COMMD10: variants seen among roughly 807,000 people sequenced by gnomAD.
COMMD10 encodes the protein COMM domain containing 10.
In COMMD10, 33 loss-of-function variants were observed where a neutral mutation model predicts 28.9. The ratio of observed to expected loss-of-function variants is 1.14; its 90% CI spans 0.87 to 1.53. COMMD10 has a LOEUF of 1.53. COMMD10 is among the 40% of genes most tolerant of loss of function. The pLI is 0.00. For synonymous variants in COMMD10, 110 were observed against 81.7 expected (o/e 1.35, Z -1.87); for missense variants, 310 against 233.4 (o/e 1.33, Z -2.14).
At position 116,162,720 on chromosome 5, in the gene COMMD10, T is replaced by C. The variant is rs531093810; in HGVS notation, c.510+28542T>C. 3.3e-5 allele frequency among the ~76,000 whole-genome samples: 5 copies of C among 152,332 alleles called. No individual in the cohort carries two copies. In the South Asian group the frequency reaches 8.3e-4, roughly 25 times the overall value. On this transcript the variant is annotated intron_variant, in intron 5 of 6. Transcript: ENST00000274458. Reference sequence around the variant, plus strand: ...CTATCCAGAGGGACAGTTTGTATACTGTTTGGTCAATTTTGTGAGATTAAG... The same window carrying C: ...CTATCCAGAGGGACAGTTTGTATACCGTTTGGTCAATTTTGTGAGATTAAG...
chr5:116,142,549 A>G (rs1006046609), intron 5 of COMMD10, among the ~76,000 whole-genome samples: 14 of 151,814 alleles, frequency 9.2e-5, no homozygotes, highest in Non-Finnish European at 1.9e-4. Flanking sequence ...TGGGGAATAT[A>G]CACAGAAACG....
At chr5:116,094,021 T>A (rs1455565894) in intron 4 of COMMD10, among the ~76,000 whole-genome samples, 1 of 151,982 alleles carries the variant, frequency 6.6e-6, no homozygotes, top group Non-Finnish European at 1.5e-5. Context: ...AAAAATCAAC[T>A]CAAAATTGAT....
At chr5:116,108,503 G>T (rs1047165791) in intron 4 of COMMD10, among the ~76,000 whole-genome samples, 2 of 152,182 alleles carry the variant, frequency 1.3e-5, no homozygotes, top group African/African-American at 4.8e-5. Flanking sequence ...GGGTAAAACC[G>T]CCTACTCAAG....
chr5:116,273,757 C>G (rs10056823), intron 5 of COMMD10, among the ~76,000 whole-genome samples: 75,055 of 151,314 alleles, frequency 0.5, 22,184 homozygotes, highest in Non-Finnish European at 0.66. Context: ...TGTAGATGAA[C>G]TGGAGTTTTG....
At chr5:116,144,646 T>A (rs1580485641) in intron 5 of COMMD10, among the ~76,000 whole-genome samples, 2 of 151,646 alleles carry the variant, frequency 1.3e-5, no homozygotes. Flanking sequence ...ATTTGAGAGG[T>A]CAGAAAAGAG....
At chr5:116,085,520 T>G in intron 1 of COMMD10, 1 of 183,916 alleles carries the variant, frequency 5.4e-6, no homozygotes, top group Non-Finnish European at 1.1e-5. Context: ...GGGTCTTTAA[T>G]AGCCAACATG....
At chr5:116,167,303 T>A (rs1006582815) in intron 5 of COMMD10, among the ~76,000 whole-genome samples, 1 of 151,766 alleles carries the variant, frequency 6.6e-6, no homozygotes, top group African/African-American at 2.4e-5. Context: ...GAAAAAAGAA[T>A]GAAAAGGAAT....
intron 5 of COMMD10, among the ~76,000 whole-genome samples, chr5:116,193,194 T>G (rs964394639): frequency 1.3e-5 from 2 of 152,042 alleles, no homozygotes; most frequent in South Asian, 2.1e-4. Flanking sequence ...GGAAACACAT[T>G]AAAACAGAAC....
In COMMD10 at chr5:116,125,777, C is replaced by T. The variant is rs561837849; in HGVS notation, c.400-8291C>T. Among the ~76,000 whole-genome samples the T allele has an allele frequency of 3.9e-5, 6 of 152,094 alleles. No homozygotes were observed. In the South Asian group the frequency reaches 6.2e-4, roughly 16 times the overall value. The stretch of plus-strand genomic sequence containing the variant: ...TTTATTCTTTTTTCTCTAAACTTCT[C>T]GCTTCATTTCATTCATTTGATCGTC... On this transcript the variant is annotated intron_variant, in intron 4 of 6. Coordinates refer to ENST00000274458, the MANE Select transcript of COMMD10 (RefSeq NM_016144.4).
At chr5:116,173,849 GTTT>G (rs761332339) in intron 5 of COMMD10, among the ~76,000 whole-genome samples, 5 of 117,146 alleles carry the variant, frequency 4.3e-5, no homozygotes, top group African/African-American at 1.5e-4. Flanking sequence ...TTTTGTTTTT[GTTT>G]TTTTTTTTTT....
At chr5:116,232,803 T>C (rs539548641) in intron 5 of COMMD10, among the ~76,000 whole-genome samples, 1 of 152,314 alleles carries the variant, frequency 6.6e-6, no homozygotes, top group East Asian at 1.9e-4. Context: ...TGCTTACATT[T>C]GTTGGGTACT....
intron 2 of COMMD10, among the ~76,000 whole-genome samples, chr5:116,087,825 G>A (rs576754877): frequency 6.2e-4 from 94 of 152,250 alleles, no homozygotes; most frequent in African/African-American, 2.2e-3. Flanking sequence ...AGTGTTTGTG[G>A]TATGTATTCG....
chr5:116,211,561 CATT>C (rs1322310463), intron 5 of COMMD10, among the ~76,000 whole-genome samples: 2 of 152,088 alleles, frequency 1.3e-5, no homozygotes, highest in Admixed American at 1.3e-4. Flanking sequence ...ACCAAAACAT[CATT>C]ATTCAGTGCA....
chr5:116,091,103 GA>G lies in COMMD10; in HGVS notation c.158del (p.Glu53GlyfsTer11). The stretch of plus-strand genomic sequence containing the variant: ...GGCTGAGAGCAGTTTCAGTGAAGAA[GA>G]GGAAGAAAAACTTCAAGCGGCATTT... ...LKAESSFSEE[E>X]EEKLQAAFSL... On this transcript the variant is annotated frameshift_variant, in exon 3 of 7. Transcript: ENST00000274458. LOFTEE classifies it high-confidence loss of function. The G allele has an allele frequency of 6.2e-7, 1 of 1,610,520 alleles. No individual in the cohort carries two copies. The highest frequency in any genetic ancestry group is 1.1e-5 in the South Asian group (1 of 90,576).
rs1308872836 is a variant in COMMD10 at position 116,091,080 on chromosome 5, C to T, written c.134C>T (p.Ala45Val). 3 of 1,596,712 alleles carry T rather than the reference C, an allele frequency of 1.9e-6. No individual in the cohort carries two copies. Among genetic ancestry groups the T allele is most frequent in the Non-Finnish European group, 2.6e-6 (3 of 1,167,710 alleles). Residue 45 changes from alanine to valine, a missense_variant and splice_region_variant, in exon 3 of 7, where the codon GCT becomes GTT. Coordinates refer to ENST00000274458, the MANE Select transcript of COMMD10 (RefSeq NM_016144.4). The stretch of plus-strand genomic sequence containing the variant: ...AATAGATTGCTATTTGTATTATAGG[C>T]TGAGAGCAGTTTCAGTGAAGAAGAG... The part of the protein sequence containing the change: ...TRILQKLHLK[A>V]ESSFSEEEEE...
rs114344952 is a variant in COMMD10 at position 116,233,915 on chromosome 5, A to T, written c.511-57602A>T. On this transcript the variant is annotated intron_variant, in intron 5 of 6. Transcript: ENST00000274458. Reference sequence around the variant, plus strand: ...ATTTGCATAGAAAATCAAACCTCAAAATGTTGAGAGAAGGGTTCTAGAAGA... The same window carrying T: ...ATTTGCATAGAAAATCAAACCTCAATATGTTGAGAGAAGGGTTCTAGAAGA... Among the ~76,000 whole-genome samples, 727 of 152,276 alleles carry T rather than the reference A, an allele frequency of 4.8e-3. 7 individuals carry two copies. The highest frequency in any genetic ancestry group is 0.015 in the African/African-American group (616 of 41,556).
chr5:116,119,649 C>T (rs1184946073), intron 4 of COMMD10, among the ~76,000 whole-genome samples: 1 of 152,118 alleles, frequency 6.6e-6, no homozygotes, highest in East Asian at 1.9e-4. Context: ...GTCACTCAGG[C>T]TGAAGTGTGC....
intron 5 of COMMD10, among the ~76,000 whole-genome samples, chr5:116,214,326 A>G (rs149633053): frequency 7.2e-5 from 11 of 152,312 alleles, no homozygotes; most frequent in African/African-American, 2.4e-4. Flanking sequence ...TACTAACTAC[A>G]TTAATGAGCA....
chr5:116,142,961 C>A (rs1251129429), intron 5 of COMMD10, among the ~76,000 whole-genome samples: 1 of 151,194 alleles, frequency 6.6e-6, no homozygotes, highest in East Asian at 1.9e-4. Flanking sequence ...TGTTTTGTAT[C>A]CTTTTTCATT....
Sources: gnomAD v4.1 joint callset for allele counts (sites outside exome capture counted in the v4.1 genomes callset) on GRCh38, gnomAD v4.1.1 for gene constraint, MANE v1.5 for transcripts, NCBI Gene and HGNC (gene_info 2026-07-23, HGNC 2026-07-21) for gene names.